RHOBTB3: variants seen among roughly 807,000 people sequenced by gnomAD.
RHOBTB3 encodes Rho related BTB domain containing 3, also known as rho-related BTB domain-containing protein 3.
Under a neutral mutation model 67.2 loss-of-function variants are expected in RHOBTB3, and 47 were observed. That is an observed-to-expected ratio of 0.70 (90% CI 0.55 to 0.89). RHOBTB3 has a LOEUF of 0.89. Ranked by LOEUF, RHOBTB3 falls within the 40% of genes least tolerant of loss-of-function variation. The probability of loss-of-function intolerance (pLI) is 0.00; values close to 1 mark genes in which losing one functional copy is unlikely to be tolerated. For missense variants in RHOBTB3, 631 were observed against 750.0 expected, an observed-to-expected ratio of 0.84 and a Z score of 1.85; for synonymous variants, 273 against 274.2, an observed-to-expected ratio of 1.00 and a Z score of 0.04.
chr5:95,732,108 G>A, intron 2 of RHOBTB3, 24 bp downstream of exon 2: 2 of 1,603,260 alleles, frequency 1.2e-6, no homozygotes, highest in Non-Finnish European at 1.7e-6. Flanking sequence ...GCTGCTCCGC[G>A]CTGAGGCTGA....
chr5:95,757,380 G>A (rs34900), intron 6 of RHOBTB3, among the ~76,000 whole-genome samples: 63,643 of 151,932 alleles, frequency 0.42, 13,773 homozygotes, highest in East Asian at 0.71. Flanking sequence ...ATCATGTAGC[G>A]ATAACCTGTT....
chr5:95,732,764 G>A (rs143320299), intron 2 of RHOBTB3: 146 of 152,316 alleles, frequency 9.6e-4, no homozygotes, highest in African/African-American at 3.3e-3. Context: ...GTAGTGAAGT[G>A]GATAAATTAT....
Position 95,731,405 on chromosome 5 carries a change from G to A in RHOBTB3, c.-278G>A. The A allele has an allele frequency of 8.4e-7, 1 of 1,184,712 alleles. No homozygotes were observed. The highest frequency in any genetic ancestry group is 1.6e-5 in the African/African-American group (1 of 62,310). 73.4% of individuals were successfully genotyped at this position (1,184,712 alleles called of 1,614,324 possible). On this transcript the variant is annotated 5_prime_UTR_variant, in exon 1 of 12. Coordinates refer to ENST00000379982, the MANE Select transcript of RHOBTB3 (RefSeq NM_014899.4). ...GGACTGCGGTCAGCTGCGTCCACTT[G>A]GGGCTGTGCGGCGGTCCCGCGCCCG...
intron 7 of RHOBTB3, among the ~76,000 whole-genome samples, chr5:95,764,315 C>T (rs1745481666): frequency 6.6e-6 from 1 of 152,148 alleles, no homozygotes; most frequent in Non-Finnish European, 1.5e-5. Flanking sequence ...CAATTTAAGT[C>T]TCAAATAGTT....
chr5:95,796,302 TTA>T lies in RHOBTB3; in HGVS notation c.*3132_*3133del, dbSNP rs1746558106. 1.3e-5 allele frequency: 2 copies of T among 152,244 alleles called. No homozygotes were observed. Among genetic ancestry groups the T allele is most frequent in the Admixed American group, 6.5e-5 (1 of 15,294 alleles). The allele number at this position is 152,244 out of a possible 1,614,324, so 9.4% of individuals were successfully genotyped here. On this transcript the variant is annotated 3_prime_UTR_variant, in exon 12 of 12. Transcript: ENST00000379982. Reference sequence around the variant, plus strand: ...TATTTTAATATAGCCTGACCTGAATTTATATGTTTTTAGCTTTAGTATTTAAC... The same window carrying T: ...TATTTTAATATAGCCTGACCTGAATTTATGTTTTTAGCTTTAGTATTTAAC...
Position 95,731,916 on chromosome 5 carries a change from G to A in RHOBTB3, c.60G>A (p.Arg20=). 6.2e-7 allele frequency: 1 copy of A among 1,614,108 alleles called. No individual in the cohort carries two copies. The highest frequency in any genetic ancestry group is 8.5e-7 in the Non-Finnish European group (1 of 1,180,020). ...GGGACACATTCCACCAGGACAACCG[G>A]CCGTCGGGGCTTATCCGCACTTACC... The part of the protein sequence containing the change: ...NEGDTFHQDN[R]PSGLIRTYLG... The change falls in exon 2 of 12, where the codon CGG becomes CGA. Residue 20 remains arginine, a synonymous_variant. Coordinates refer to ENST00000379982, the MANE Select transcript of RHOBTB3 (RefSeq NM_014899.4).
At chr5:95,762,398 T>G (rs1049945745) in intron 6 of RHOBTB3, among the ~76,000 whole-genome samples, 11 of 152,180 alleles carry the variant, frequency 7.2e-5, no homozygotes, top group Admixed American at 1.3e-4. Context: ...AATAAGTGTT[T>G]ATGTGCCTGC....
At chr5:95,731,712 G>T in intron 1 of RHOBTB3, 28 bp downstream of exon 1, 1 of 1,613,236 alleles carries the variant, frequency 6.2e-7, no homozygotes, top group South Asian at 1.1e-5. Context: ...TCCTGCCATT[G>T]TCTCTCTCCA....
Position 95,768,031 on chromosome 5 carries a change from TG to T in RHOBTB3, c.1162-14del. ...GTTAAACAACCTTTCCCTGTATTTTTGTTTTCCCTTATAGATTAATTGCCTA... is the reference window on the plus strand; with the variant it reads ...GTTAAACAACCTTTCCCTGTATTTTTTTTTCCCTTATAGATTAATTGCCTA... On this transcript the variant is annotated splice_polypyrimidine_tract_variant and intron_variant, in intron 7 of 11. Coordinates refer to ENST00000379982, the MANE Select transcript of RHOBTB3 (RefSeq NM_014899.4). 6.2e-7 allele frequency: 1 copy of T among 1,611,238 alleles called. No individual in the cohort carries two copies. Among genetic ancestry groups the T allele is most frequent in the East Asian group, 2.2e-5 (1 of 44,864 alleles).
chr5:95,762,700 A>G (rs1053474470), intron 6 of RHOBTB3, among the ~76,000 whole-genome samples: 9 of 152,188 alleles, frequency 5.9e-5, no homozygotes, highest in African/African-American at 2.2e-4. Context: ...CGTGCTTTTG[A>G]AAACTCACCA....
upstream of RHOBTB3, among the ~76,000 whole-genome samples, chr5:95,727,235 ACCT>A (rs1205849828): frequency 6.6e-6 from 1 of 152,084 alleles, no homozygotes; most frequent in Non-Finnish European, 1.5e-5. Context: ...TTTTTCTGCC[ACCT>A]CCTCAAGCTG....
intron 5 of RHOBTB3, among the ~76,000 whole-genome samples, chr5:95,754,187 T>A (rs1240418940): frequency 6.6e-6 from 1 of 152,222 alleles, no homozygotes; most frequent in Non-Finnish European, 1.5e-5. Context: ...CAAAAGTGTC[T>A]CTTCAGGAAA....
chr5:95,745,174 G>C (rs1412350640), intron 3 of RHOBTB3, among the ~76,000 whole-genome samples: 1 of 151,936 alleles, frequency 6.6e-6, no homozygotes, highest in East Asian at 1.9e-4. Flanking sequence ...AGGTTCAAGG[G>C]ATCCTCCCAC....
intron 6 of RHOBTB3, 129 bp from the exon 7 acceptor site, chr5:95,763,379 A>G (rs1028998152): frequency 1.6e-6 from 1 of 618,932 alleles, no homozygotes; most frequent in East Asian, 2.8e-5. Context: ...TAGTATAGTT[A>G]TAAGGATGTA....
chr5:95,738,277 A>G (rs1385451427), intron 3 of RHOBTB3, among the ~76,000 whole-genome samples: 2 of 152,026 alleles, frequency 1.3e-5, no homozygotes, highest in Non-Finnish European at 2.9e-5. Context: ...ATTTCTGGTC[A>G]TGATTCATAA....
chr5:95,777,791 A>AT (rs1188529281), intron 8 of RHOBTB3, among the ~76,000 whole-genome samples: 2 of 152,254 alleles, frequency 1.3e-5, no homozygotes, highest in African/African-American at 4.8e-5. Flanking sequence ...TCCAAACTAA[A>AT]TTCCAACCTT....
At chr5:95,775,657 T>TTA (rs1242441370) in intron 8 of RHOBTB3, among the ~76,000 whole-genome samples, 1 of 151,970 alleles carries the variant, frequency 6.6e-6, no homozygotes, top group African/African-American at 2.4e-5. Flanking sequence ...TGTAGCTAAA[T>TTA]TATTAACAGA....
chr5:95,790,808 A>G (rs1359250620), intron 11 of RHOBTB3, among the ~76,000 whole-genome samples: 6 of 152,226 alleles, frequency 3.9e-5, no homozygotes, highest in Non-Finnish European at 8.8e-5. Flanking sequence ...CTGGCCATCT[A>G]TGGTTTAGGT....
chr5:95,786,348 C>T (rs538080453), intron 10 of RHOBTB3, among the ~76,000 whole-genome samples: 3 of 152,336 alleles, frequency 2.0e-5, no homozygotes, highest in East Asian at 3.9e-4. Context: ...TCTGAACACT[C>T]TGCCAGTTTT....
Sources: gnomAD v4.1 joint callset for allele counts (sites outside exome capture counted in the v4.1 genomes callset) on GRCh38, gnomAD v4.1.1 for gene constraint, MANE v1.5 for transcripts, NCBI Gene and HGNC (gene_info 2026-07-23, HGNC 2026-07-21) for gene names.